The following NOP58 variants were observed in gnomAD, a reference collection of about 807,000 sequenced individuals.
NOP58 encodes the protein NOP58 ribonucleoprotein.
NOP58 carries 44 observed loss-of-function variants against 71.2 expected under a neutral mutation model. The observed-to-expected ratio is 0.62, with a 90% CI of 0.49 to 0.79. NOP58 has a LOEUF of 0.79. Ranked by LOEUF, NOP58 falls within the 30% of genes least tolerant of loss-of-function variation. The probability of loss-of-function intolerance (pLI) is 0.00; values close to 1 mark genes in which losing one functional copy is unlikely to be tolerated. For synonymous variants in NOP58, 228 were observed against 200.3 expected, an observed-to-expected ratio of 1.14 and a Z score of -1.17; for missense variants, 538 against 620.2, an observed-to-expected ratio of 0.87 and a Z score of 1.41.
chr2:202,296,809 C>G (rs1056740733), intron 10 of NOP58, among the ~76,000 whole-genome samples: 3 of 152,176 alleles, frequency 2.0e-5, no homozygotes, highest in Non-Finnish European at 4.4e-5. Context: ...TCCCGGCTCA[C>G]TGCAAGCTCT....
Position 202,297,758 on chromosome 2 carries a change from T to C in NOP58, c.1207-87T>C, listed in dbSNP as rs1456402344. 15 of 854,342 alleles carry C rather than the reference T, an allele frequency of 1.8e-5. No individual in the cohort carries two copies. The East Asian group carries it at 3.4e-4, about 20-fold the overall frequency. The allele number at this position is 854,342 out of a possible 1,614,324, so 52.9% of individuals were successfully genotyped here. On this transcript the variant is annotated intron_variant, in intron 11 of 14. Coordinates refer to ENST00000264279, the MANE Select transcript of NOP58 (RefSeq NM_015934.5). The stretch of plus-strand genomic sequence containing the variant: ...AAAAATAGCAGAAATTGCTGTTTGC[T>C]GGCCCACTGATTCACTAGACTGTAT...
chr2:202,266,795 A>G (rs1036506807), intron 1 of NOP58, among the ~76,000 whole-genome samples: 1 of 152,238 alleles, frequency 6.6e-6, no homozygotes. Context: ...TTGTGAAGGT[A>G]GAACAGGAAG....
intron 9 of NOP58, among the ~76,000 whole-genome samples, chr2:202,293,530 AATTC>A (rs1688940829): frequency 6.6e-6 from 1 of 152,234 alleles, no homozygotes; most frequent in Admixed American, 6.5e-5. Flanking sequence ...ACATTGTTAT[AATTC>A]ATCAAAAAAG....
chr2:202,291,116 A>G lies in NOP58; in HGVS notation c.635-9A>G, dbSNP rs1420796425. On this transcript the variant is annotated splice_polypyrimidine_tract_variant and intron_variant, in intron 7 of 14. Transcript: ENST00000264279. ...TGATTCTCCCTCATCCTCTGCAAACATTCCATAGGCGATAGGAAGAACTAT... is the reference window on the plus strand; with the variant it reads ...TGATTCTCCCTCATCCTCTGCAAACGTTCCATAGGCGATAGGAAGAACTAT... 6.3e-7 allele frequency: 1 copy of G among 1,582,080 alleles called. No individual in the cohort carries two copies. The highest frequency in any genetic ancestry group is 8.5e-7 in the Non-Finnish European group (1 of 1,169,760).
chr2:202,291,966 A>ATAT (rs1203276429), intron 8 of NOP58, among the ~76,000 whole-genome samples: 2 of 80,310 alleles, frequency 2.5e-5, no homozygotes, highest in Non-Finnish European at 5.4e-5. Flanking sequence ...ATTGCTCAGA[A>ATAT]TCTTTTTTTT....
At chr2:202,281,141 T>TA (rs539480981) in intron 3 of NOP58, among the ~76,000 whole-genome samples, 1 of 151,704 alleles carries the variant, frequency 6.6e-6, no homozygotes, top group Non-Finnish European at 1.5e-5. Flanking sequence ...CTTTTTCTTT[T>TA]TTTTTTTTTA....
chr2:202,278,432 C>G, intron 3 of NOP58: 1 of 354,660 alleles, frequency 2.8e-6, no homozygotes, highest in South Asian at 2.2e-5. Flanking sequence ...ATTTAAAAAG[C>G]TCTTCTGGGG....
At chr2:202,285,589 C>T (rs1688773369) in intron 5 of NOP58, among the ~76,000 whole-genome samples, 1 of 151,998 alleles carries the variant, frequency 6.6e-6, no homozygotes, top group South Asian at 2.1e-4. Context: ...GATCCACTTG[C>T]CTTAGCCTCC....
intron 1 of NOP58, among the ~76,000 whole-genome samples, chr2:202,272,182 C>G (rs958781892): frequency 9.1e-6 from 1 of 110,490 alleles, no homozygotes; most frequent in African/African-American, 3.5e-5. Flanking sequence ...GAGACGGAGT[C>G]TTGCTGTCGC....
intron 9 of NOP58, among the ~76,000 whole-genome samples, chr2:202,294,808 C>CA (rs987710681): frequency 5.3e-5 from 8 of 150,962 alleles, no homozygotes; most frequent in South Asian, 2.1e-4. Flanking sequence ...ACTAAAAATA[C>CA]AAAAAAAAAT....
At chr2:202,297,259 GA>G (rs1438450107) in intron 10 of NOP58, 119 bp from the exon 11 acceptor site, 2 of 877,522 alleles carry the variant, frequency 2.3e-6, no homozygotes, top group East Asian at 5.3e-5. Flanking sequence ...GTTGAAATAC[GA>G]TGGATGATTT....
chr2:202,279,201 C>T (rs777570524), intron 3 of NOP58, among the ~76,000 whole-genome samples: 3 of 152,144 alleles, frequency 2.0e-5, no homozygotes, highest in South Asian at 4.1e-4. Flanking sequence ...CAAGTAGCCT[C>T]TTCTGAATTC....
rs768842540 is a variant in NOP58, at chr2:202,292,752, GACTTA to G, written c.781-20_781-16del. On this transcript the variant is annotated intron_variant, in intron 8 of 14. Coordinates refer to ENST00000264279, the MANE Select transcript of NOP58 (RefSeq NM_015934.5). ...CTGTTTTTACTCATATGATATTTGT[GACTTA>G]ACTTTATTCCTTATACTAGGTGATT... 32 of 1,585,352 alleles carry G rather than the reference GACTTA, an allele frequency of 2.0e-5. No homozygotes were observed. In the South Asian group the frequency reaches 3.1e-4, roughly 15 times the overall value.
rs557365811 is a variant in NOP58 at position 202,267,172 on chromosome 2, T to C, written c.45+1186T>C. On this transcript the variant is annotated intron_variant, in intron 1 of 14. Transcript: ENST00000264279. ...GTGCAACTCTTCTGAGGTCTGTGAATATAGCAATGAAAAATAAAGTTTTTA... is the reference window on the plus strand; with the variant it reads ...GTGCAACTCTTCTGAGGTCTGTGAACATAGCAATGAAAAATAAAGTTTTTA... Among the ~76,000 whole-genome samples, 9 of 152,320 alleles carry C rather than the reference T, an allele frequency of 5.9e-5. No individual in the cohort carries two copies. The South Asian group carries it at 1.7e-3, about 28-fold the overall frequency.
At chr2:202,302,083 CTTTTTTTTTT>C (rs71031885) in intron 13 of NOP58, among the ~76,000 whole-genome samples, 8 of 90,586 alleles carry the variant, frequency 8.8e-5, no homozygotes, top group Admixed American at 2.6e-4. Context: ...TTTTTTTTTT[CTTTTTTTTTT>C]TTTTTTTTTT....
chr2:202,272,209 T>C (rs1012365902), intron 1 of NOP58, among the ~76,000 whole-genome samples: 9 of 142,594 alleles, frequency 6.3e-5, no homozygotes, highest in Admixed American at 4.0e-4. Context: ...TGGAGTGCAG[T>C]GGCGCGATCT....
At chr2:202,273,829 G>A (rs1044590280) in intron 1 of NOP58, among the ~76,000 whole-genome samples, 1 of 151,958 alleles carries the variant, frequency 6.6e-6, no homozygotes. Context: ...TGTAATCCCA[G>A]CTATTCAGGA....
chr2:202,278,974 T>G (rs1688654661), intron 3 of NOP58, among the ~76,000 whole-genome samples: 1 of 152,130 alleles, frequency 6.6e-6, no homozygotes, highest in East Asian at 1.9e-4. Context: ...TAGGGCTGCT[T>G]CACCAACTCT....
intron 1 of NOP58, among the ~76,000 whole-genome samples, chr2:202,266,732 A>C (rs1236182198): frequency 6.6e-6 from 1 of 152,230 alleles, no homozygotes; most frequent in Non-Finnish European, 1.5e-5. Flanking sequence ...TTTTGCATTC[A>C]TTTGGACAAG....
Sources: allele counts gnomAD v4.1 joint callset (sites outside exome capture counted in the v4.1 genomes callset), GRCh38; gene constraint gnomAD v4.1.1; transcripts MANE v1.5; gene names NCBI Gene and HGNC (gene_info 2026-07-23, HGNC 2026-07-21).